The following RINL variants were observed in gnomAD, a reference collection of about 807,000 sequenced individuals.
RINL encodes Ras and Rab interactor like.
In RINL, 39 loss-of-function variants were observed where a neutral mutation model predicts 58.1. The observed-to-expected ratio is 0.67, with a 90% CI of 0.52 to 0.88. The LOEUF is 0.88. Among genes scored for constraint, RINL ranks in the 40% least tolerant of loss-of-function variants. The pLI is 0.00. For synonymous variants in RINL, 286 were observed against 323.1 expected (o/e 0.89, Z 1.23); for missense variants, 711 against 749.2 (o/e 0.95, Z 0.60).
In RINL at chr19:38,869,434, C is replaced by G; in HGVS notation, c.1475-24G>C. The G allele has an allele frequency of 6.3e-7, 1 of 1,579,032 alleles. No homozygotes were observed. ...AGCTGGGGACAGAAAGGGAAGTCAG[C>G]TCCGCCCTCTCGGCTTCCCTGGTCG... On this transcript the variant is annotated intron_variant, in intron 10 of 11. Coordinates refer to ENST00000591812, the MANE Select transcript of RINL (RefSeq NM_001195833.2). This position sits in a 1 kb window ranked among gnomAD's most constrained non-coding sequence, Gnocchi z 5.7.
chr19:38,871,933 G>A (rs1460570785), intron 4 of RINL, 63 bp from the exon 5 acceptor site: 1 of 1,270,540 alleles, frequency 7.9e-7, no homozygotes, highest in Non-Finnish European at 1.1e-6. Context: ...CTGTCCCCTG[G>A]GATGCTCTTG....
Position 38,870,221 on chromosome 19 carries a change from G to A in RINL, c.1064C>T (p.Ala355Val). The change falls in exon 9 of 12, where the codon GCG (alanine) becomes GTG (valine). Residue 355 changes from alanine (A) to valine (V), a missense_variant. By Grantham distance (64) the Ala-to-Val change is moderately conservative. Coordinates refer to ENST00000591812, the MANE Select transcript of RINL (RefSeq NM_001195833.2). This position sits in a 1 kb window ranked among gnomAD's most constrained non-coding sequence, Gnocchi z 5.8. Reference sequence around the variant, plus strand: ...TGTCCACAGGGCCGGCTTCAGGGGCGCCAGCACCGCCTGGCACACCGCCGT... The same window carrying A: ...TGTCCACAGGGCCGGCTTCAGGGGCACCAGCACCGCCTGGCACACCGCCGT... ...LETAVCQAVL[A>V]PLKPALWTRL... 3 of 1,386,502 alleles carry A rather than the reference G, an allele frequency of 2.2e-6. No homozygotes were observed. The highest frequency in any genetic ancestry group is 3.6e-5 in the Admixed American group (1 of 28,148). 85.9% of individuals were successfully genotyped at this position (1,386,502 alleles called of 1,614,324 possible). A position where few individuals can be genotyped will look rare whatever the true frequency, so the allele number is the denominator to read the frequency against.
intron 2 of RINL, 91 bp from the exon 3 acceptor site, chr19:38,876,581 G>T: frequency 6.9e-7 from 1 of 1,456,680 alleles, no homozygotes; most frequent in Non-Finnish European, 9.3e-7. Flanking sequence ...GGCAGGCCCA[G>T]GGCAGAGGCT....
chr19:38,871,328 G>C, intron 6 of RINL, 101 bp from the exon 7 acceptor site: 2 of 1,343,388 alleles, frequency 1.5e-6, no homozygotes, highest in Non-Finnish European at 2.1e-6. Context: ...CATTGCTGGA[G>C]GTGCTGAGGC....
rs1324342965 is a variant in RINL, at chr19:38,876,487, C to G, written c.54G>C (p.Leu18=). 6.5e-7 allele frequency: 1 copy of G among 1,535,994 alleles called. No individual in the cohort carries two copies. The highest frequency in any genetic ancestry group is 1.2e-5 in the South Asian group (1 of 84,056). Residue 18 remains leucine, a synonymous_variant, in exon 3 of 12, where the codon CTG becomes CTC. Coordinates refer to ENST00000591812, the MANE Select transcript of RINL (RefSeq NM_001195833.2). The part of the protein sequence containing the change: ...APEVPTEGVR[L]VPPQVNKADR... Reference sequence around the variant, plus strand: ...CTGCTTTGTTCACCTGTGGTGGGACCAGCCTGGGATGGACAGTGTCCAGGG... The same window carrying G: ...CTGCTTTGTTCACCTGTGGTGGGACGAGCCTGGGATGGACAGTGTCCAGGG...
intron 4 of RINL, 130 bp from the exon 5 acceptor site, chr19:38,872,000 CTTTGGAGTCTCCA>C (rs1440406029): frequency 1.4e-6 from 1 of 702,466 alleles, no homozygotes; most frequent in African/African-American, 1.8e-5. Context: ...AGTTCCCACT[CTTTGGAGTCTCCA>C]TCTTTACTCT....
Position 38,870,508 on chromosome 19 carries a change from G to C in RINL, c.1024+62C>G. On this transcript the variant is annotated intron_variant, in intron 8 of 11. Transcript: ENST00000591812. This position sits in a 1 kb window ranked among gnomAD's most constrained non-coding sequence, Gnocchi z 5.8. ...GTGCAGAAGGAAACGTGTGCGCACC[G>C]ATGGAGAGGACGAAGTTGCACACTT... The C allele has an allele frequency of 1.3e-6, 2 of 1,484,050 alleles. No homozygotes were observed. The highest frequency in any genetic ancestry group is 1.8e-6 in the Non-Finnish European group (2 of 1,114,642). The allele number at this position is 1,484,050 out of a possible 1,614,324, so 91.9% of individuals were successfully genotyped here.
chr19:38,870,916 C>T lies in RINL; in HGVS notation c.678G>A (p.Pro226=), dbSNP rs772549107. 8.1e-6 allele frequency: 13 copies of T among 1,604,944 alleles called. No homozygotes were observed. The African/African-American group carries it at 1.3e-4, about 16-fold the overall frequency. The change falls in exon 8 of 12, where the codon CCG becomes CCA. Residue 226 remains proline, a synonymous_variant. Transcript: ENST00000591812. The surrounding 1 kb of genome is among the most constrained non-coding windows in gnomAD (Gnocchi z 5.8). ...PLSPEVDHPG[P]ALASLLEEEE... is the part of the protein sequence containing the mutation. ...CCTCTTCCAGTAGGCTGGCGAGAGCCGGCCCAGGATGGTCCACTTCCGGGC... is the reference window on the plus strand; with the variant it reads ...CCTCTTCCAGTAGGCTGGCGAGAGCTGGCCCAGGATGGTCCACTTCCGGGC...
chr19:38,876,823 C>T (rs1972938375), intron 1 of RINL, 42 bp from the exon 2 acceptor site: 7 of 1,132,962 alleles, frequency 6.2e-6, no homozygotes, highest in East Asian at 2.6e-5. Context: ...CTCTAGCCCT[C>T]GGGTCATGTT....
At position 38,871,238 on chromosome 19, in the gene RINL, C is replaced by T. The variant is rs770622161; in HGVS notation, c.452-11G>A. On this transcript the variant is annotated splice_polypyrimidine_tract_variant and intron_variant, in intron 6 of 11. Coordinates refer to ENST00000591812, the MANE Select transcript of RINL (RefSeq NM_001195833.2). ...CGATCTGCACAGGATCTGGAGCCAGCAGAAGTGAGAAGGTGTCCTAGGTAT... is the reference window on the plus strand; with the variant it reads ...CGATCTGCACAGGATCTGGAGCCAGTAGAAGTGAGAAGGTGTCCTAGGTAT... The T allele has an allele frequency of 1.2e-6, 2 of 1,613,884 alleles. No individual in the cohort carries two copies. Among genetic ancestry groups the T allele is most frequent in the Non-Finnish European group, 1.7e-6 (2 of 1,179,982 alleles).
rs1322431045 is a variant in RINL, at chr19:38,876,315, A to G, written c.210+16T>C. The stretch of plus-strand genomic sequence containing the variant: ...ATCTAGGGTGTCAGGATGGGCCCCC[A>G]GCTGTGAGTACTCACCCCTAGTGGC... On this transcript the variant is annotated intron_variant, in intron 3 of 11. Transcript: ENST00000591812. The G allele has an allele frequency of 5.2e-6, 8 of 1,532,884 alleles. No homozygotes were observed. In the Admixed American group the frequency reaches 1.2e-4, roughly 23 times the overall value. 95.0% of individuals were successfully genotyped at this position (1,532,884 alleles called of 1,614,324 possible). A position where few individuals can be genotyped will look rare whatever the true frequency, so the allele number is the denominator to read the frequency against.
rs374520111 is a variant in RINL, at chr19:38,875,205, T to C, written c.210+1126A>G. 2.7e-4 allele frequency among the ~76,000 whole-genome samples: 41 copies of C among 149,558 alleles called. No individual in the cohort carries two copies. The South Asian group carries it at 3.5e-3, about 13-fold the overall frequency. On this transcript the variant is annotated intron_variant, in intron 3 of 11. Coordinates refer to ENST00000591812, the MANE Select transcript of RINL (RefSeq NM_001195833.2). ...CTACCTGGGCCCCATCCTTTTTTTT[T>C]TCTTTTTTCTTTTTTTTTTTTTTTT...
chr19:38,874,857 G>A (rs888131560), intron 3 of RINL, among the ~76,000 whole-genome samples: 6 of 152,256 alleles, frequency 3.9e-5, no homozygotes, highest in South Asian at 2.1e-4. Context: ...TGCTACAGCC[G>A]GGCACGGTGG....
At position 38,869,893 on chromosome 19, in the gene RINL, C is replaced by G. The variant is rs1309869558; in HGVS notation, c.1342+50G>C. 2 of 1,551,660 alleles carry G rather than the reference C, an allele frequency of 1.3e-6. No homozygotes were observed. The highest frequency in any genetic ancestry group is 1.7e-6 in the Non-Finnish European group (2 of 1,151,194). On this transcript the variant is annotated intron_variant, in intron 9 of 11. Transcript: ENST00000591812. The surrounding 1 kb of genome is among the most constrained non-coding windows in gnomAD (Gnocchi z 5.7). ...CAGTGCTACCCTCTCCCGCCTGGCT[C>G]CAACTCTCAAGGCTCTCCCCACCAC...
At position 38,871,590 on chromosome 19, in the gene RINL, C is replaced by A. The variant is rs1972815403; in HGVS notation, c.451+57G>T. The A allele has an allele frequency of 2.9e-5, 44 of 1,528,852 alleles. No homozygotes were observed. In the South Asian group the frequency reaches 5.0e-4, roughly 18 times the overall value. The allele number at this position is 1,528,852 out of a possible 1,614,324, so 94.7% of individuals were successfully genotyped here. On this transcript the variant is annotated intron_variant, in intron 6 of 11. Transcript: ENST00000591812. Reference sequence around the variant, plus strand: ...TGGGCCCCAAAGCCCCATTCATTCCCTTGGAGCAAGGAAATTGGCAGGTTG... The same window carrying A: ...TGGGCCCCAAAGCCCCATTCATTCCATTGGAGCAAGGAAATTGGCAGGTTG...
Position 38,869,853 on chromosome 19 carries a change from A to G in RINL, c.1342+90T>C. ...CTCCTACCAGAATCTTCAGGACCGC[A>G]TAGATTCCTCCCACCAGTGCTACCC... On this transcript the variant is annotated intron_variant, in intron 9 of 11. Transcript: ENST00000591812. The surrounding 1 kb of genome is among the most constrained non-coding windows in gnomAD (Gnocchi z 5.7). The G allele has an allele frequency of 6.6e-7, 1 of 1,521,736 alleles. No individual in the cohort carries two copies. The highest frequency in any genetic ancestry group is 1.2e-5 in the South Asian group (1 of 83,090). 94.3% of individuals were successfully genotyped at this position (1,521,736 alleles called of 1,614,324 possible). A position where few individuals can be genotyped will look rare whatever the true frequency, so the allele number is the denominator to read the frequency against.
rs753639440 is a variant in RINL, at chr19:38,876,361, C to T, written c.180G>A (p.Ala60=). 1.2e-4 allele frequency: 190 copies of T among 1,536,002 alleles called. No individual in the cohort carries two copies. Among genetic ancestry groups the T allele is most frequent in the Middle Eastern group, 1.2e-3 (7 of 6,012 alleles). ...GTGGCCACAGCCCCACAAGGGCCTC[C>T]GCATCCTGGGTATCCAGCTCTGGCA... ...WHVPELDTQD[A]EALVGLWPLG... Residue 60 remains alanine (A), a synonymous_variant, in exon 3 of 12, where the codon GCG becomes GCA. Coordinates refer to ENST00000591812, the MANE Select transcript of RINL (RefSeq NM_001195833.2).
intron 1 of RINL, among the ~76,000 whole-genome samples, chr19:38,877,143 G>A (rs1249195108): frequency 1.3e-5 from 2 of 152,156 alleles, no homozygotes; most frequent in Non-Finnish European, 2.9e-5. Context: ...TCAAACTCCT[G>A]ACCTCAAGTG....
At position 38,869,443 on chromosome 19, in the gene RINL, C is replaced by T; in HGVS notation, c.1475-33G>A. The T allele has an allele frequency of 6.3e-7, 1 of 1,576,206 alleles. No homozygotes were observed. Among genetic ancestry groups the T allele is most frequent in the Non-Finnish European group, 8.6e-7 (1 of 1,158,534 alleles). ...CAGAAAGGGAAGTCAGCTCCGCCCT[C>T]TCGGCTTCCCTGGTCGCCCCAAATC... On this transcript the variant is annotated intron_variant, in intron 10 of 11. Coordinates refer to ENST00000591812, the MANE Select transcript of RINL (RefSeq NM_001195833.2). The surrounding 1 kb of genome is among the most constrained non-coding windows in gnomAD (Gnocchi z 5.7).
Sources: allele counts gnomAD v4.1 joint callset (sites outside exome capture counted in the v4.1 genomes callset), GRCh38; gene constraint gnomAD v4.1.1; non-coding constraint Gnocchi (gnomAD v3.1); transcripts MANE v1.5; gene names NCBI Gene and HGNC (gene_info 2026-07-23, HGNC 2026-07-21).